Variants in CFAP263 observed in about 807,000 individuals in gnomAD.
The protein encoded by CFAP263 is cilia- and flagella-associated protein 263.
At chr16:58,280,417 C>G in the CFAP263 span, 1 of 1,613,940 alleles carries the variant, frequency 6.2e-7, no homozygotes, top group Non-Finnish European at 8.5e-7. Flanking sequence ...AACATCTAGA[C>G]TATCTCTAGA....
chr16:58,251,076 A>G, the CFAP263 span, among the ~76,000 whole-genome samples: 2 of 152,226 alleles, frequency 1.3e-5, no homozygotes, highest in African/African-American at 2.4e-5. Context: ...TGTTACTTCT[A>G]TACATCTACA....
the CFAP263 span, among the ~76,000 whole-genome samples, chr16:58,273,203 G>T: frequency 6.6e-6 from 1 of 152,090 alleles, no homozygotes; most frequent in Non-Finnish European, 1.5e-5. Flanking sequence ...TGAGCCCTTT[G>T]TATGTGTAGC....
At chr16:58,251,307 A>C in the CFAP263 span, among the ~76,000 whole-genome samples, 2 of 152,214 alleles carry the variant, frequency 1.3e-5, no homozygotes, top group Non-Finnish European at 2.9e-5. Flanking sequence ...GACTACATAC[A>C]CCTGGAGCAT....
the CFAP263 span, chr16:58,258,421 T>A: frequency 6.2e-7 from 1 of 1,613,922 alleles, no homozygotes; most frequent in Middle Eastern, 1.6e-4. Flanking sequence ...GAGAAGTGCA[T>A]GAGTTTGAAA....
At chr16:58,278,354 C>A in the CFAP263 span, 2 of 856,718 alleles carry the variant, frequency 2.3e-6, no homozygotes, top group South Asian at 1.9e-5. Context: ...CCTCCCCAAC[C>A]TCTTTGAAAA....
At chr16:58,268,397 G>C in the CFAP263 span, among the ~76,000 whole-genome samples, 4 of 152,190 alleles carry the variant, frequency 2.6e-5, no homozygotes, top group Non-Finnish European at 5.9e-5. Flanking sequence ...ATCAGGTTTG[G>C]TGCTGCCAAT....
chr16:58,249,985 G>T, the CFAP263 span: 34 of 1,461,046 alleles, frequency 2.3e-5, no homozygotes, highest in Non-Finnish European at 3.0e-5. Flanking sequence ...CTGGGCACAC[G>T]GCATTGGCAG....
chr16:58,260,964 T>G, the CFAP263 span, among the ~76,000 whole-genome samples: 1 of 152,132 alleles, frequency 6.6e-6, no homozygotes, highest in Non-Finnish European at 1.5e-5. Context: ...GTGGTGATGC[T>G]ATGGCCTAGG....
the CFAP263 span, among the ~76,000 whole-genome samples, chr16:58,261,195 G>A: frequency 6.6e-6 from 1 of 152,176 alleles, no homozygotes; most frequent in East Asian, 1.9e-4. Flanking sequence ...GTCCAGGAGG[G>A]CCACAGCCAC....
the CFAP263 span, chr16:58,258,429 A>C: frequency 6.2e-7 from 1 of 1,614,026 alleles, no homozygotes; most frequent in Non-Finnish European, 8.5e-7. Flanking sequence ...CATGAGTTTG[A>C]AAAAGATATT....
chr16:58,250,427 G>A, the CFAP263 span: 11 of 255,718 alleles, frequency 4.3e-5, no homozygotes, highest in Non-Finnish European at 7.5e-5. Context: ...TTCTACAGCA[G>A]CAATTTGGAC....
At chr16:58,278,673 T>C in the CFAP263 span, 2 of 1,603,286 alleles carry the variant, frequency 1.2e-6, no homozygotes, top group African/African-American at 1.3e-5. Flanking sequence ...GGCAGTCTTT[T>C]ATGTCTTCAA....
the CFAP263 span, chr16:58,262,263 G>C: frequency 1.1e-6 from 1 of 889,918 alleles, no homozygotes; most frequent in Non-Finnish European, 1.8e-6. Flanking sequence ...CCCAATATGT[G>C]TTTGCTGAAT....
the CFAP263 span, chr16:58,278,482 G>T: frequency 6.2e-7 from 1 of 1,613,876 alleles, no homozygotes; most frequent in Non-Finnish European, 8.5e-7. Context: ...CCCAACCCAG[G>T]ACCGGGCCAA....
chr16:58,272,595 G>A, the CFAP263 span, among the ~76,000 whole-genome samples: 16 of 152,246 alleles, frequency 1.1e-4, no homozygotes, highest in South Asian at 2.7e-3. Context: ...GTAAAGATAC[G>A]GCATTATAAT....
At chr16:58,256,632 C>G in the CFAP263 span, among the ~76,000 whole-genome samples, 2 of 152,046 alleles carry the variant, frequency 1.3e-5, no homozygotes, top group Non-Finnish European at 2.9e-5. Context: ...AAAGCTGGAC[C>G]CCACTGAGGA....
chr16:58,278,348 C>T, the CFAP263 span: 1 of 820,952 alleles, frequency 1.2e-6, no homozygotes. Context: ...CCCACCCCTC[C>T]CCAACCTCTT....
the CFAP263 span, among the ~76,000 whole-genome samples, chr16:58,266,457 T>C: frequency 7.3e-6 from 1 of 137,664 alleles, no homozygotes; most frequent in Admixed American, 7.7e-5. Flanking sequence ...CTCCAACCAC[T>C]GTCCTGGCAT....
the CFAP263 span, chr16:58,282,354 T>A: frequency 2.0e-5 from 3 of 152,334 alleles, no homozygotes; most frequent in African/African-American, 7.2e-5. Flanking sequence ...TTGGCCAGGC[T>A]GGTCTTAATC....
Sources: allele counts gnomAD v4.1 joint callset (sites outside exome capture counted in the v4.1 genomes callset), GRCh38; gene constraint gnomAD v4.1.1; transcripts MANE v1.5; gene names NCBI Gene and HGNC (gene_info 2026-07-23, HGNC 2026-07-21).